LRRC36: variants seen among roughly 807,000 people sequenced by gnomAD.
LRRC36 encodes leucine rich repeat containing 36, also known as leucine-rich repeat-containing protein 36.
A neutral mutation model predicts 81.1 loss-of-function variants in LRRC36; 62 were observed. The ratio of observed to expected loss-of-function variants is 0.76; its 90% CI spans 0.62 to 0.94. The LOEUF is 0.94. Ranked by LOEUF, LRRC36 falls within the 40% of genes least tolerant of loss-of-function variation. The probability of loss-of-function intolerance (pLI) is 0.00; values close to 1 mark genes in which losing one functional copy is unlikely to be tolerated. For synonymous variants in LRRC36, 334 were observed against 348.6 expected, an observed-to-expected ratio of 0.96 and a Z score of 0.47; for missense variants, 761 against 881.7, an observed-to-expected ratio of 0.86 and a Z score of 1.73.
At chr16:67,330,263 C>T (rs980467275) in intron 1 of LRRC36, among the ~76,000 whole-genome samples, 8 of 151,346 alleles carry the variant, frequency 5.3e-5, no homozygotes, top group Admixed American at 1.3e-4. Context: ...TCTTTCTTTT[C>T]GTGATATCAG....
In LRRC36 at chr16:67,375,418, T is replaced by C. The variant is rs755765714; in HGVS notation, c.1660+6T>C. The C allele has an allele frequency of 1.9e-6, 3 of 1,573,434 alleles. No individual in the cohort carries two copies. Among genetic ancestry groups the C allele is most frequent in the African/African-American group, 1.4e-5 (1 of 72,400 alleles). ...CCTCAACAAGAAGTTTCTCGGTGAGTGAATGCATTCTCTGTCCTTGGACAG... is the reference window on the plus strand; with the variant it reads ...CCTCAACAAGAAGTTTCTCGGTGAGCGAATGCATTCTCTGTCCTTGGACAG... On this transcript the variant is annotated splice_donor_region_variant and intron_variant, in intron 10 of 13. Transcript: ENST00000329956.
chr16:67,379,331 C>T (rs1173442693), intron 12 of LRRC36, among the ~76,000 whole-genome samples: 1 of 152,178 alleles, frequency 6.6e-6, no homozygotes, highest in Admixed American at 6.6e-5. Context: ...AGAAGGATCA[C>T]TTGAGCCCAG....
At chr16:67,366,164 T>A (rs2039375067) in intron 7 of LRRC36, among the ~76,000 whole-genome samples, 1 of 152,118 alleles carries the variant, frequency 6.6e-6, no homozygotes, top group Admixed American at 6.6e-5. Context: ...TAATTTTTTT[T>A]ATTTTTGAGA....
intron 3 of LRRC36, among the ~76,000 whole-genome samples, chr16:67,347,157 C>T (rs1567475490): frequency 6.6e-6 from 1 of 152,146 alleles, no homozygotes; most frequent in African/African-American, 2.4e-5. Context: ...TCACATGGCC[C>T]TGGGAAAGTA....
At chr16:67,375,531 C>T (rs2142154654) in intron 10 of LRRC36, 119 bp downstream of exon 10, 1 of 732,402 alleles carries the variant, frequency 1.4e-6, no homozygotes, top group Non-Finnish European at 2.1e-6. Flanking sequence ...TGATCACATC[C>T]TGAAACATCT....
In LRRC36 at chr16:67,376,650, G is replaced by A. The variant is rs776273949; in HGVS notation, c.1661-77G>A. ...TACATTAGCCTATTTGATCCAGAGAGCTGGTAGTTACTGACTAGGAATGCT... is the reference window on the plus strand; with the variant it reads ...TACATTAGCCTATTTGATCCAGAGAACTGGTAGTTACTGACTAGGAATGCT... On this transcript the variant is annotated intron_variant, in intron 10 of 13. Coordinates refer to ENST00000329956, the MANE Select transcript of LRRC36 (RefSeq NM_018296.6). The A allele has an allele frequency of 5.3e-5, 76 of 1,430,572 alleles. 1 individual carries two copies. The Middle Eastern group carries it at 5.4e-4, about 10-fold the overall frequency. 88.6% of individuals were successfully genotyped at this position (1,430,572 alleles called of 1,614,324 possible). A position where few individuals can be genotyped will look rare whatever the true frequency, so the allele number is the denominator to read the frequency against.
At chr16:67,371,370 G>A (rs1184365925) in intron 9 of LRRC36, 128 bp downstream of exon 9, 1 of 1,139,426 alleles carries the variant, frequency 8.8e-7, no homozygotes, top group Non-Finnish European at 1.3e-6. Context: ...TTCAGAGGCT[G>A]GTGGCTAATA....
intron 2 of LRRC36, among the ~76,000 whole-genome samples, chr16:67,344,990 AT>A (rs397978171): frequency 0.012 from 1,705 of 146,898 alleles, 32 homozygotes; most frequent in African/African-American, 0.037. Context: ...CATTTTTACT[AT>A]TTTTTTTTTT....
At position 67,375,969 on chromosome 16, in the gene LRRC36, A is replaced by G. The variant is rs554252547; in HGVS notation, c.1660+557A>G. Among the ~76,000 whole-genome samples the G allele has an allele frequency of 3.9e-5, 6 of 152,352 alleles. No homozygotes were observed. The South Asian group carries it at 1.2e-3, about 32-fold the overall frequency. On this transcript the variant is annotated intron_variant, in intron 10 of 13. Coordinates refer to ENST00000329956, the MANE Select transcript of LRRC36 (RefSeq NM_018296.6). ...TTAACATGTTTGTTGGCTATTTAATAGAAGAATAATTAAGGAAATTTCGTT... is the reference window on the plus strand; with the variant it reads ...TTAACATGTTTGTTGGCTATTTAATGGAAGAATAATTAAGGAAATTTCGTT...
At chr16:67,352,488 C>T (rs1187434612) in intron 5 of LRRC36, among the ~76,000 whole-genome samples, 1 of 152,112 alleles carries the variant, frequency 6.6e-6, no homozygotes, top group East Asian at 1.9e-4. Flanking sequence ...TTCTCCTAAC[C>T]ACATAATCAT....
intron 5 of LRRC36, among the ~76,000 whole-genome samples, chr16:67,354,618 G>T (rs962252136): frequency 6.6e-6 from 1 of 152,140 alleles, no homozygotes; most frequent in Non-Finnish European, 1.5e-5. Context: ...TTTTAGAACA[G>T]TTTTAGATTC....
chr16:67,336,967 C>A (rs2037794996), intron 1 of LRRC36, among the ~76,000 whole-genome samples: 1 of 152,046 alleles, frequency 6.6e-6, no homozygotes, highest in Non-Finnish European at 1.5e-5. Flanking sequence ...CAGGGTCCTA[C>A]TATGTTGCCC....
rs1328488554 is a variant in LRRC36, at chr16:67,365,296, T to A, written c.703-8T>A. On this transcript the variant is annotated splice_polypyrimidine_tract_variant and splice_region_variant and intron_variant, in intron 6 of 13. Coordinates refer to ENST00000329956, the MANE Select transcript of LRRC36 (RefSeq NM_018296.6). ...TTCCTTCTACCTAAACTTTCGAACT[T>A]TTTTTAGACACAGGAAGTAGCAAGA... 6.2e-7 allele frequency: 1 copy of A among 1,611,958 alleles called. No homozygotes were observed. The highest frequency in any genetic ancestry group is 1.3e-5 in the African/African-American group (1 of 74,876).
chr16:67,346,869 A>G (rs2038373547), intron 3 of LRRC36, among the ~76,000 whole-genome samples: 1 of 151,808 alleles, frequency 6.6e-6, no homozygotes, highest in Non-Finnish European at 1.5e-5. Context: ...ATTTTACTTT[A>G]TTTTTTATTT....
At chr16:67,365,452 C>T in intron 7 of LRRC36, 97 bp downstream of exon 7, 2 of 1,038,514 alleles carry the variant, frequency 1.9e-6, no homozygotes, top group Admixed American at 2.2e-5. Flanking sequence ...AATATGGGGG[C>T]CCTATTTAGT....
At chr16:67,381,043 G>A (rs1163940491) in intron 12 of LRRC36, among the ~76,000 whole-genome samples, 1 of 152,056 alleles carries the variant, frequency 6.6e-6, no homozygotes, top group Non-Finnish European at 1.5e-5. Context: ...GGCAAACATG[G>A]TGAAACCCCA....
intron 1 of LRRC36, among the ~76,000 whole-genome samples, chr16:67,338,525 G>A (rs1449877809): frequency 6.6e-6 from 1 of 152,122 alleles, no homozygotes. Flanking sequence ...AGGACAAGTG[G>A]TAGTTTCTTA....
intron 13 of LRRC36, among the ~76,000 whole-genome samples, chr16:67,382,721 C>T (rs570109127): frequency 2.0e-5 from 3 of 152,264 alleles, no homozygotes; most frequent in East Asian, 3.9e-4. Flanking sequence ...TGGTGGCTCA[C>T]GCCTGTAATC....
Position 67,363,693 on chromosome 16 carries a change from C to T in LRRC36, c.681C>T (p.Asp227=), listed in dbSNP as rs2142092663. 6.2e-7 allele frequency: 1 copy of T among 1,613,878 alleles called. No individual in the cohort carries two copies. Among genetic ancestry groups the T allele is most frequent in the East Asian group, 2.2e-5 (1 of 44,862 alleles). ...ATGGTACACGTGATCAGAAATTAGA[C>T]ACCTTCCCACTGGGGACACAGGTAA... ...QGNGTRDQKL[D]TFPLGTQTQE... The change falls in exon 6 of 14, where the codon GAC becomes GAT. Residue 227 remains aspartate, a synonymous_variant. Coordinates refer to ENST00000329956, the MANE Select transcript of LRRC36 (RefSeq NM_018296.6).
Sources: gnomAD v4.1 joint callset for allele counts (sites outside exome capture counted in the v4.1 genomes callset) on GRCh38, gnomAD v4.1.1 for gene constraint, MANE v1.5 for transcripts, NCBI Gene and HGNC (gene_info 2026-07-23, HGNC 2026-07-21) for gene names.